Variants in USP30 observed in about 807,000 individuals in gnomAD.
USP30 encodes the protein ubiquitin carboxyl-terminal hydrolase 30.
A neutral mutation model predicts 68.2 loss-of-function variants in USP30; 41 were observed. The observed-to-expected ratio is 0.60, with a 90% CI of 0.47 to 0.78. The LOEUF is 0.78. USP30 is among the 30% of genes least tolerant of loss of function. USP30 has a pLI of 0.00. For missense variants in USP30, 522 were observed against 649.4 expected (o/e 0.80, Z 2.13); for synonymous variants, 229 against 253.7 (o/e 0.90, Z 0.93).
At chr12:109,067,996 A>G (rs1389308132) in intron 4 of USP30, among the ~76,000 whole-genome samples, 1 of 152,168 alleles carries the variant, frequency 6.6e-6, no homozygotes, top group Non-Finnish European at 1.5e-5. Context: ...TTTCTGGACC[A>G]CACCCTCATT....
At chr12:109,039,644 C>G (rs2040548795) in intron 3 of USP30, among the ~76,000 whole-genome samples, 1 of 151,922 alleles carries the variant, frequency 6.6e-6, no homozygotes. Context: ...TGGAATCTCA[C>G]CCTGTCACCA....
In USP30 at chr12:109,066,641, C is replaced by T. The variant is rs372685212; in HGVS notation, c.377-883C>T. Among the ~76,000 whole-genome samples the T allele has an allele frequency of 2.2e-4, 34 of 152,188 alleles. No individual in the cohort carries two copies. In the South Asian group the frequency reaches 4.6e-3, roughly 20 times the overall value. On this transcript the variant is annotated intron_variant, in intron 3 of 12. Transcript: ENST00000257548. ...CGGAGGTTGCAGTGAGCTGAGATCA[C>T]GCCATTGCACTCCACCCTGGGCGAC...
At chr12:109,036,389 C>T (rs1480279710) in intron 3 of USP30, among the ~76,000 whole-genome samples, 3 of 151,888 alleles carry the variant, frequency 2.0e-5, no homozygotes, top group Non-Finnish European at 4.4e-5. Context: ...CAACCTCCAC[C>T]TCCCAGGTTC....
At chr12:109,025,445 C>T (rs1251668898) in intron 2 of USP30, among the ~76,000 whole-genome samples, 3 of 152,060 alleles carry the variant, frequency 2.0e-5, no homozygotes, top group African/African-American at 7.2e-5. Flanking sequence ...CACCCCCCAG[C>T]CCCCAAATCA....
At chr12:109,066,926 T>C (rs1365731984) in intron 3 of USP30, among the ~76,000 whole-genome samples, 1 of 152,050 alleles carries the variant, frequency 6.6e-6, no homozygotes, top group Non-Finnish European at 1.5e-5. Flanking sequence ...TTGCAACAAA[T>C]TTATATTGAT....
chr12:109,056,629 T>G, intron 1 of USP30, 53 bp from the exon 2 acceptor site: 3 of 1,321,024 alleles, frequency 2.3e-6, no homozygotes, highest in Non-Finnish European at 3.2e-6. Context: ...TATCTGTATA[T>G]TTGCCTTTTG....
intron 3 of USP30, among the ~76,000 whole-genome samples, chr12:109,028,487 T>G (rs895541544): frequency 3.3e-5 from 5 of 151,886 alleles, no homozygotes; most frequent in East Asian, 1.9e-4. Context: ...TGTTGTTGTT[T>G]TTGTTTTGAG....
At position 109,086,167 on chromosome 12, in the gene USP30, C is replaced by G; in HGVS notation, c.*236C>G. On this transcript the variant is annotated 3_prime_UTR_variant, in exon 13 of 13. Coordinates refer to ENST00000257548, the MANE Select transcript of USP30 (RefSeq NM_032663.5). ...TGTGTTAAGAAAGCATTCATTATGT[C>G]CGGAGTGTCTTTTTACTCATCTGAT... The G allele has an allele frequency of 1.9e-6, 1 of 516,440 alleles. No homozygotes were observed. Among genetic ancestry groups the G allele is most frequent in the Admixed American group, 3.6e-5 (1 of 27,648 alleles). 32.0% of individuals were successfully genotyped at this position (516,440 alleles called of 1,614,324 possible).
chr12:109,086,809 T>C lies in USP30; in HGVS notation c.*878T>C, dbSNP rs1204396767. On this transcript the variant is annotated 3_prime_UTR_variant, in exon 13 of 13. Transcript: ENST00000257548. ...ATTGCCCATGCAGAGCTCTTAAGGT[T>C]TACAGGTGGGAGCTTGGGGCTGTAT... 3.3e-5 allele frequency: 5 copies of C among 152,214 alleles called. No individual in the cohort carries two copies. The highest frequency in any genetic ancestry group is 4.4e-5 in the Non-Finnish European group (3 of 68,042). The allele number at this position is 152,214 out of a possible 1,614,324, so 9.4% of individuals were successfully genotyped here.
upstream of USP30, among the ~76,000 whole-genome samples, chr12:109,049,144 T>C (rs1425666641): frequency 3.3e-5 from 5 of 152,232 alleles, no homozygotes; most frequent in Non-Finnish European, 7.3e-5. Flanking sequence ...AAATTTTCCT[T>C]TGAATTCACA....
At chr12:109,079,228 C>A (rs1346869493) in intron 7 of USP30, among the ~76,000 whole-genome samples, 1 of 148,906 alleles carries the variant, frequency 6.7e-6, no homozygotes, top group African/African-American at 2.5e-5. Context: ...TCACTGAGGT[C>A]TTGTTCAATT....
chr12:109,028,725 C>A (rs182473159), intron 3 of USP30, among the ~76,000 whole-genome samples: 1 of 152,136 alleles, frequency 6.6e-6, no homozygotes, highest in African/African-American at 2.4e-5. Context: ...GATCCACCCC[C>A]CTCAGCCTCC....
rs886662557 is a variant in USP30 at position 109,081,623 on chromosome 12, G to GCGCA, written c.780+231_780+232insGCAC. ...TTTGAATACACACGCACGCATGCGC[G>GCGCA]CACACACACACACACACACACACAC... On this transcript the variant is annotated intron_variant, in intron 8 of 12. Transcript: ENST00000257548. 2.5e-3 allele frequency: 1,272 copies of GCGCA among 500,344 alleles called. 1 individual carries two copies. Among genetic ancestry groups the GCGCA allele is most frequent in the African/African-American group, 4.2e-3 (212 of 50,588 alleles). The allele number at this position is 500,344 out of a possible 1,614,324, so 31.0% of individuals were successfully genotyped here.
intron 7 of USP30, among the ~76,000 whole-genome samples, chr12:109,074,758 T>C (rs1488919106): frequency 6.6e-6 from 1 of 152,246 alleles, no homozygotes; most frequent in African/African-American, 2.4e-5. Flanking sequence ...GAGAACACTC[T>C]CTTAGTATAT....
At chr12:109,058,844 T>C (rs1017993597) in intron 3 of USP30, among the ~76,000 whole-genome samples, 1 of 152,232 alleles carries the variant, frequency 6.6e-6, no homozygotes, top group African/African-American at 2.4e-5. Context: ...ATGCTGTTTT[T>C]TGCCTGTCAG....
intron 3 of USP30, among the ~76,000 whole-genome samples, chr12:109,036,857 T>A (rs969278245): frequency 6.6e-6 from 1 of 152,198 alleles, no homozygotes; most frequent in African/African-American, 2.4e-5. Context: ...AAAATTCTCT[T>A]TGTCTTTGGC....
At chr12:109,055,648 C>T (rs1164733251) in intron 1 of USP30, among the ~76,000 whole-genome samples, 8 of 148,946 alleles carry the variant, frequency 5.4e-5, no homozygotes, top group South Asian at 4.3e-4. Context: ...CCGCCCACCT[C>T]GGCCTCCCAA....
chr12:109,058,414 C>A (rs2135720677), intron 3 of USP30, among the ~76,000 whole-genome samples: 1 of 152,052 alleles, frequency 6.6e-6, no homozygotes, highest in Non-Finnish European at 1.5e-5. Flanking sequence ...ACTAAAAACA[C>A]AAAAAATATT....
upstream of USP30, chr12:109,052,528 C>T (rs1460803525): frequency 1.6e-6 from 1 of 615,524 alleles, no homozygotes; most frequent in Non-Finnish European, 2.4e-6. Flanking sequence ...ACTTCCGGTC[C>T]CCCTGGGAGC....
Sources: allele counts gnomAD v4.1 joint callset (sites outside exome capture counted in the v4.1 genomes callset), GRCh38; gene constraint gnomAD v4.1.1; transcripts MANE v1.5; gene names NCBI Gene and HGNC (gene_info 2026-07-23, HGNC 2026-07-21).